CRKL: variants seen among roughly 807,000 people sequenced by gnomAD.
CRKL encodes the protein CRK like proto-oncogene, adaptor protein.
A neutral mutation model predicts 23.0 loss-of-function variants in CRKL; 3 were observed. The observed-to-expected ratio is 0.13, with a 90% CI of 0.06 to 0.34. The LOEUF (loss-of-function observed/expected upper bound fraction) is 0.34. Ranked by LOEUF, CRKL falls within the 10% of genes least tolerant of loss-of-function variation. The probability of loss-of-function intolerance (pLI) is 1.00; values close to 1 mark genes in which losing one functional copy is unlikely to be tolerated. For synonymous variants in CRKL, 188 were observed against 160.7 expected, an observed-to-expected ratio of 1.17 and a Z score of -1.28; for missense variants, 256 against 394.5, an observed-to-expected ratio of 0.65 and a Z score of 2.97.
intron 1 of CRKL, among the ~76,000 whole-genome samples, chr22:20,932,342 C>T (rs1921486562): frequency 6.6e-6 from 1 of 152,080 alleles, no homozygotes; most frequent in African/African-American, 2.4e-5. Flanking sequence ...AGTCATCTGC[C>T]TGCCTTGGCC....
At chr22:20,943,765 A>G (rs4820674) in intron 2 of CRKL, among the ~76,000 whole-genome samples, 116,319 of 151,992 alleles carry the variant, frequency 0.77, 45,090 homozygotes, top group East Asian at 0.92. Flanking sequence ...GACTGAGGTG[A>G]GAAGATTGCT....
At position 20,922,506 on chromosome 22, in the gene CRKL, T is replaced by G; in HGVS notation, c.311+4261T>G. Reference sequence around the variant, plus strand: ...AAATGATGGTGACTAATAGTGACAGTGGAGCTGTGACTTGGAGATGCCTAT... The same window carrying G: ...AAATGATGGTGACTAATAGTGACAGGGGAGCTGTGACTTGGAGATGCCTAT... On this transcript the variant is annotated intron_variant, in intron 1 of 2. Transcript: ENST00000354336. Among the ~76,000 whole-genome samples, 2 of 152,118 alleles carry G rather than the reference T, an allele frequency of 1.3e-5. 1 individual carries two copies.
At chr22:20,948,303 C>T (rs1922144633) in intron 2 of CRKL, among the ~76,000 whole-genome samples, 2 of 152,088 alleles carry the variant, frequency 1.3e-5, no homozygotes, top group Admixed American at 1.3e-4. Context: ...CCGTTTTCAG[C>T]CTGTTCCTCA....
rs369990673 is a variant in CRKL at position 20,918,240 on chromosome 22, G to T, written c.306G>T (p.Ala102=). Residue 102 remains alanine, a synonymous_variant, in exon 1 of 3, where the codon GCG becomes GCT. Transcript: ENST00000354336. The part of the protein sequence containing the change: ...YLDTTTLIEP[A]PRYPSPPMGS... ...ACACCACCACCCTCATCGAGCCTGC[G>T]CCCAGGTACGCGAGAGCCCTCCCCG... 1.2e-6 allele frequency: 2 copies of T among 1,613,456 alleles called. No homozygotes were observed. Among genetic ancestry groups the T allele is most frequent in the Non-Finnish European group, 1.7e-6 (2 of 1,179,870 alleles).
chr22:20,929,754 C>T (rs1338854854), intron 1 of CRKL, among the ~76,000 whole-genome samples: 5 of 152,150 alleles, frequency 3.3e-5, no homozygotes, highest in African/African-American at 9.7e-5. Flanking sequence ...AGCCACTGCG[C>T]CTGGGCAACA....
chr22:20,919,935 A>G (rs554366595), intron 1 of CRKL, among the ~76,000 whole-genome samples: 57 of 152,316 alleles, frequency 3.7e-4, no homozygotes, highest in Non-Finnish European at 7.1e-4. Flanking sequence ...TAAATCAAAT[A>G]CTGTATAACA....
At chr22:20,921,401 A>AGT (rs1920991941) in intron 1 of CRKL, among the ~76,000 whole-genome samples, 1 of 151,824 alleles carries the variant, frequency 6.6e-6, no homozygotes, top group Non-Finnish European at 1.5e-5. Flanking sequence ...AGTGTAACCC[A>AGT]GTGTAGGTAC....
At chr22:20,940,078 C>T (rs1281016117) in intron 2 of CRKL, among the ~76,000 whole-genome samples, 2 of 152,224 alleles carry the variant, frequency 1.3e-5, no homozygotes, top group East Asian at 3.8e-4. Context: ...GCATGAGCCA[C>T]CACGCCCAGC....
At chr22:20,926,675 C>G (rs1468539658) in intron 1 of CRKL, among the ~76,000 whole-genome samples, 1 of 151,898 alleles carries the variant, frequency 6.6e-6, no homozygotes, top group East Asian at 1.9e-4. Flanking sequence ...AATGAGGAGG[C>G]AGAACAGGAA....
chr22:20,951,010 T>C lies in CRKL; in HGVS notation c.*1165T>C, dbSNP rs1922254922. ...GGGGGTACTTTAGGGAAACCTTTGC[T>C]TACCTTGTTTTGCCAGTGATAAGAG... On this transcript the variant is annotated 3_prime_UTR_variant, in exon 3 of 3. Transcript: ENST00000354336. The C allele has an allele frequency of 8.6e-6, 2 of 232,764 alleles. No individual in the cohort carries two copies. The highest frequency in any genetic ancestry group is 3.6e-4 in the South Asian group (2 of 5,532). The allele number at this position is 232,764 out of a possible 1,614,324, so 14.4% of individuals were successfully genotyped here.
rs1488593689 is a variant in CRKL at position 20,952,653 on chromosome 22, G to A, written c.*2808G>A. The A allele has an allele frequency of 4.3e-6, 1 of 232,346 alleles. No homozygotes were observed. Among genetic ancestry groups the A allele is most frequent in the Non-Finnish European group, 8.5e-6 (1 of 117,544 alleles). 14.4% of individuals were successfully genotyped at this position (232,346 alleles called of 1,614,324 possible). A position where few individuals can be genotyped will look rare whatever the true frequency, so the allele number is the denominator to read the frequency against. On this transcript the variant is annotated 3_prime_UTR_variant, in exon 3 of 3. Coordinates refer to ENST00000354336, the MANE Select transcript of CRKL (RefSeq NM_005207.4). ...TGCACATCTGACCCAGAGGGTGGGT[G>A]TTCATAACTGCTACTTGCTCTGCTC...
Position 20,917,864 on chromosome 22 carries a change from C to G in CRKL, c.-71C>G. On this transcript the variant is annotated 5_prime_UTR_variant, in exon 1 of 3. Coordinates refer to ENST00000354336, the MANE Select transcript of CRKL (RefSeq NM_005207.4). ...CTTCCTCGGCCCCAAAGCCGTCTGC[C>G]GGGCTAAGGCGTGCAGAGCAGGCGA... The G allele has an allele frequency of 1.4e-6, 2 of 1,461,102 alleles. No individual in the cohort carries two copies. The highest frequency in any genetic ancestry group is 1.8e-6 in the Non-Finnish European group (2 of 1,082,832). The allele number at this position is 1,461,102 out of a possible 1,614,324, so 90.5% of individuals were successfully genotyped here.
intron 1 of CRKL, among the ~76,000 whole-genome samples, chr22:20,920,887 CCTT>C (rs1243957219): frequency 1.3e-5 from 2 of 152,296 alleles, no homozygotes; most frequent in African/African-American, 4.8e-5. Context: ...CTTTGTTTCT[CCTT>C]CTCTGTGCCC....
intron 2 of CRKL, among the ~76,000 whole-genome samples, chr22:20,942,519 A>G (rs1440508039): frequency 1.3e-5 from 2 of 152,184 alleles, no homozygotes; most frequent in Admixed American, 6.5e-5. Flanking sequence ...ATGGTGAATA[A>G]TGCTGCAGTG....
In CRKL at chr22:20,951,262, C is replaced by T. The variant is rs1339622302; in HGVS notation, c.*1417C>T. The T allele has an allele frequency of 8.6e-6, 2 of 232,494 alleles. No individual in the cohort carries two copies. Among genetic ancestry groups the T allele is most frequent in the Non-Finnish European group, 1.7e-5 (2 of 117,652 alleles). 14.4% of individuals were successfully genotyped at this position (232,494 alleles called of 1,614,324 possible). Reference sequence around the variant, plus strand: ...GTGCTGCTCATACTGGTCTCACAGTCTAAGTAAGTGTCTGTGATGCTCCCA... The same window carrying T: ...GTGCTGCTCATACTGGTCTCACAGTTTAAGTAAGTGTCTGTGATGCTCCCA... On this transcript the variant is annotated 3_prime_UTR_variant, in exon 3 of 3. Coordinates refer to ENST00000354336, the MANE Select transcript of CRKL (RefSeq NM_005207.4).
At chr22:20,936,234 CA>C (rs1006719197) in intron 2 of CRKL, among the ~76,000 whole-genome samples, 3 of 152,034 alleles carry the variant, frequency 2.0e-5, no homozygotes, top group Admixed American at 6.6e-5. Context: ...CCTCTTGCTT[CA>C]AAAAAACCAA....
At chr22:20,947,676 A>ATTTTTTTTT (rs59126952) in intron 2 of CRKL, among the ~76,000 whole-genome samples, 6 of 90,524 alleles carry the variant, frequency 6.6e-5, no homozygotes, top group African/African-American at 1.7e-4. Context: ...TCTTTTTTTC[A>ATTTTTTTTT]TTTTTTTTTT....
chr22:20,941,588 A>ATATATATTTT (rs1247116681), intron 2 of CRKL, among the ~76,000 whole-genome samples: 13 of 33,540 alleles, frequency 3.9e-4, no homozygotes, highest in African/African-American at 1.2e-3. Context: ...GTATATATAT[A>ATATATATTTT]TTTTTTTTTT....
intron 1 of CRKL, among the ~76,000 whole-genome samples, chr22:20,931,777 T>C (rs1435960794): frequency 6.6e-6 from 1 of 152,172 alleles, no homozygotes; most frequent in Non-Finnish European, 1.5e-5. Flanking sequence ...TTGCTCCTAC[T>C]ACTCTTGCTA....
Sources: allele counts gnomAD v4.1 joint callset (sites outside exome capture counted in the v4.1 genomes callset), GRCh38; gene constraint gnomAD v4.1.1; transcripts MANE v1.5; gene names NCBI Gene and HGNC (gene_info 2026-07-23, HGNC 2026-07-21).